KANK1: variants seen among roughly 807,000 people sequenced by gnomAD.
The protein encoded by KANK1 is KN motif and ankyrin repeat domain-containing protein 1.
Under a neutral mutation model 106.2 loss-of-function variants are expected in KANK1, and 109 were observed. The observed-to-expected ratio is 1.03, with a 90% CI of 0.88 to 1.20. KANK1 has a LOEUF of 1.20. Ranked by LOEUF, KANK1 falls within the 50% of genes most tolerant of loss-of-function variation. KANK1 has a pLI of 0.00. For synonymous variants in KANK1, 873 were observed against 652.2 expected, an observed-to-expected ratio of 1.34 and a Z score of -5.16; for missense variants, 2,399 against 1,710.7, an observed-to-expected ratio of 1.40 and a Z score of -7.10.
intron 1 of KANK1, among the ~76,000 whole-genome samples, chr9:553,138 A>T (rs1410274738): frequency 6.6e-6 from 1 of 152,102 alleles, no homozygotes; most frequent in African/African-American, 2.4e-5. Flanking sequence ...AGACAGCGAG[A>T]CCCTGTCTCA....
chr9:632,603 C>T (rs928924916), intron 1 of KANK1, among the ~76,000 whole-genome samples: 4 of 152,058 alleles, frequency 2.6e-5, no homozygotes, highest in Non-Finnish European at 1.5e-5. Flanking sequence ...ATTTTCATTC[C>T]GTGGAGTCAC....
chr9:497,932 G>A (rs1022855487), intron 3 of KANK1, among the ~76,000 whole-genome samples: 4 of 152,006 alleles, frequency 2.6e-5, no homozygotes, highest in Non-Finnish European at 2.9e-5. Context: ...AGTTCCATCC[G>A]TCCCAAAGGT....
intron 1 of KANK1, chr9:549,601 G>A (rs1046597893): frequency 1.3e-5 from 2 of 152,098 alleles, no homozygotes; most frequent in Non-Finnish European, 2.9e-5. Flanking sequence ...CCCGAGATGG[G>A]GAGCAGCCTG....
At chr9:730,519 C>G (rs1472489616) in intron 4 of KANK1, 3 of 404,500 alleles carry the variant, frequency 7.4e-6, no homozygotes, top group African/African-American at 2.1e-5. Flanking sequence ...TGGTGAAACC[C>G]CATCTCTACT....
chr9:683,698 AT>A (rs1347471017), intron 2 of KANK1, among the ~76,000 whole-genome samples: 1 of 152,222 alleles, frequency 6.6e-6, no homozygotes, highest in Non-Finnish European at 1.5e-5. Context: ...CCTGATAGGG[AT>A]TATGTTGGTA....
chr9:592,228 A>ATTATC lies in KANK1; in HGVS notation c.-83-84661_-83-84660insTATCT, dbSNP rs1825092158. 2.6e-5 allele frequency among the ~76,000 whole-genome samples: 4 copies of ATTATC among 151,838 alleles called. No homozygotes were observed. In the South Asian group the frequency reaches 8.3e-4, roughly 31 times the overall value. On this transcript the variant is annotated intron_variant, in intron 1 of 11. Coordinates refer to ENST00000382297, the MANE Select transcript of KANK1 (RefSeq NM_015158.5). ...GGAGCCTGAGAGCAAAGGTTAGATA[A>ATTATC]TAAGGGGATGTAAAGGAATTGATCT...
chr9:712,465 A>C lies in KANK1; in HGVS notation c.1699A>C (p.Asn567His). The C allele has an allele frequency of 1.9e-6, 3 of 1,614,010 alleles. No individual in the cohort carries two copies. The highest frequency in any genetic ancestry group is 2.5e-6 in the Non-Finnish European group (3 of 1,180,008). Residue 567 changes from asparagine (N) to histidine (H), a missense_variant, in exon 3 of 12, where the codon AAT (asparagine) becomes CAT (histidine). Transcript: ENST00000382297. The stretch of plus-strand genomic sequence containing the variant: ...AGTCGTAGGGCCTGAGCTGCCTATG[A>C]ATTGGTGGATTGTTAAGGAGAGGGT... ...NKVVGPELPM[N>H]WWIVKERVEM...
chr9:564,356 C>G (rs571747808), intron 1 of KANK1, among the ~76,000 whole-genome samples: 37 of 152,218 alleles, frequency 2.4e-4, no homozygotes, highest in African/African-American at 8.7e-4. Context: ...GCCACCGTGC[C>G]CGGCCAGAAT....
intron 1 of KANK1, among the ~76,000 whole-genome samples, chr9:610,423 T>C (rs1038177335): frequency 1.3e-5 from 2 of 152,224 alleles, no homozygotes; most frequent in Non-Finnish European, 2.9e-5. Flanking sequence ...GTGATAATGG[T>C]GTACTATATG....
intron 10 of KANK1, among the ~76,000 whole-genome samples, chr9:743,388 C>T (rs923090353): frequency 6.6e-6 from 1 of 152,230 alleles, no homozygotes; most frequent in African/African-American, 2.4e-5. Context: ...CCTTCTTCCC[C>T]TCTGTGGGAG....
At chr9:527,487 G>C (rs185360868) in intron 1 of KANK1, among the ~76,000 whole-genome samples, 2 of 151,550 alleles carry the variant, frequency 1.3e-5, no homozygotes, top group Non-Finnish European at 2.9e-5. Context: ...TTTTGGTAGA[G>C]ATGGGGTTTC....
At chr9:563,012 T>C (rs541741724) in intron 1 of KANK1, among the ~76,000 whole-genome samples, 1 of 152,288 alleles carries the variant, frequency 6.6e-6, no homozygotes, top group African/African-American at 2.4e-5. Context: ...ATCCATCAAT[T>C]CTCAAATCAC....
At chr9:694,801 G>T (rs568826635) in intron 2 of KANK1, among the ~76,000 whole-genome samples, 1 of 152,268 alleles carries the variant, frequency 6.6e-6, no homozygotes, top group East Asian at 1.9e-4. Context: ...ACACTGCACT[G>T]GGGATTGTTA....
At chr9:541,888 G>C (rs2060621938) in intron 1 of KANK1, among the ~76,000 whole-genome samples, 2 of 151,576 alleles carry the variant, frequency 1.3e-5, no homozygotes, top group African/African-American at 4.8e-5. Flanking sequence ...AGGAGATCGA[G>C]ACCATCCTGG....
chr9:516,919 A>T (rs912783677), intron 1 of KANK1, among the ~76,000 whole-genome samples: 3 of 150,846 alleles, frequency 2.0e-5, no homozygotes, highest in Non-Finnish European at 2.9e-5. Flanking sequence ...GTTACGAAGA[A>T]ATTTGTCCTA....
At position 712,349 on chromosome 9, in the gene KANK1, G is replaced by T. The variant is rs1034961024; in HGVS notation, c.1583G>T (p.Gly528Val). The stretch of plus-strand genomic sequence containing the variant: ...GTGCAGACCAGAGACCAAATGGTCG[G>T]CAGTCACATGGACCTGGTGGACACG... ...AVVQTRDQMV[G>V]SHMDLVDTCV... Residue 528 changes from glycine (G) to valine (V), a missense_variant, in exon 3 of 12, where the codon GGC (glycine) becomes GTC (valine). Coordinates refer to ENST00000382297, the MANE Select transcript of KANK1 (RefSeq NM_015158.5). 2.5e-6 allele frequency: 4 copies of T among 1,614,224 alleles called. No homozygotes were observed. The highest frequency in any genetic ancestry group is 1.3e-5 in the African/African-American group (1 of 75,052).
At chr9:520,852 C>G (rs1037881243) in intron 1 of KANK1, among the ~76,000 whole-genome samples, 6 of 151,700 alleles carry the variant, frequency 4.0e-5, no homozygotes, top group Non-Finnish European at 8.8e-5. Flanking sequence ...AGAAGTTACA[C>G]TTCTTCCTCT....
chr9:593,033 T>C (rs1056669043), intron 1 of KANK1, among the ~76,000 whole-genome samples: 5 of 151,662 alleles, frequency 3.3e-5, no homozygotes, highest in African/African-American at 1.2e-4. Context: ...ACTTAGGGAG[T>C]TGTACTATTT....
chr9:502,546 T>TAGAA (rs60669953), upstream of KANK1, among the ~76,000 whole-genome samples: 1 of 150,188 alleles, frequency 6.7e-6, no homozygotes, highest in African/African-American at 2.5e-5. Flanking sequence ...TTTTTTTTCT[T>TAGAA]AGAGTCGTGC....
Sources: gnomAD v4.1 joint callset for allele counts (sites outside exome capture counted in the v4.1 genomes callset) on GRCh38, gnomAD v4.1.1 for gene constraint, MANE v1.5 for transcripts, NCBI Gene and HGNC (gene_info 2026-07-23, HGNC 2026-07-21) for gene names.